Variants in HOMER1 observed in about 807,000 individuals in gnomAD.
The protein encoded by HOMER1 is homer scaffold protein 1.
A neutral mutation model predicts 48.9 loss-of-function variants in HOMER1; 3 were observed. The observed-to-expected ratio is 0.06, with a 90% confidence interval of 0.03 to 0.16. The LOEUF is 0.16. HOMER1 is among the 10% of genes least tolerant of loss of function. The pLI is 1.00. For synonymous variants in HOMER1, 134 were observed against 146.4 expected, an observed-to-expected ratio of 0.92 and a Z score of 0.61; for missense variants, 247 against 411.4, an observed-to-expected ratio of 0.60 and a Z score of 3.46.
At chr5:79,488,489 GT>G (rs1752180636) in intron 1 of HOMER1, among the ~76,000 whole-genome samples, 1 of 152,118 alleles carries the variant, frequency 6.6e-6, no homozygotes. Context: ...GTCTCTTTGA[GT>G]TTTAGTATGG....
At chr5:79,473,777 A>G (rs1315755979) in intron 1 of HOMER1, among the ~76,000 whole-genome samples, 1 of 152,204 alleles carries the variant, frequency 6.6e-6, no homozygotes, top group East Asian at 1.9e-4. Flanking sequence ...TGAGCATAGC[A>G]TATCACCCTG....
At chr5:79,379,352 T>C (rs1271800508) in intron 8 of HOMER1, among the ~76,000 whole-genome samples, 1 of 104,444 alleles carries the variant, frequency 9.6e-6, no homozygotes, top group East Asian at 2.3e-4. Flanking sequence ...ATTTTATATA[T>C]TATATAAATA....
At chr5:79,511,431 G>GT (rs1752939137) in intron 1 of HOMER1, among the ~76,000 whole-genome samples, 1 of 152,248 alleles carries the variant, frequency 6.6e-6, no homozygotes, top group Admixed American at 6.5e-5. Context: ...AAAGCAATTC[G>GT]TTTTTTACAG....
chr5:79,475,497 A>C (rs1235227499), intron 1 of HOMER1, among the ~76,000 whole-genome samples: 1 of 150,490 alleles, frequency 6.6e-6, no homozygotes, highest in Non-Finnish European at 1.5e-5. Context: ...GGGGAAAAGC[A>C]GAAGGTATTT....
At chr5:79,459,053 C>T (rs1055333721) in intron 1 of HOMER1, among the ~76,000 whole-genome samples, 1 of 152,132 alleles carries the variant, frequency 6.6e-6, no homozygotes, top group African/African-American at 2.4e-5. Context: ...TCTATTAAGG[C>T]ACATAAGGAA....
intron 1 of HOMER1, among the ~76,000 whole-genome samples, chr5:79,467,411 A>AAC (rs1554061421): frequency 6.6e-6 from 1 of 151,344 alleles, no homozygotes; most frequent in African/African-American, 2.4e-5. Flanking sequence ...AAAAAAAAAA[A>AAC]AACTAATGAA....
intron 4 of HOMER1, among the ~76,000 whole-genome samples, chr5:79,445,903 G>T (rs1160964484): frequency 2.0e-5 from 3 of 152,204 alleles, no homozygotes; most frequent in Middle Eastern, 3.2e-3. Context: ...GACAGAGCAT[G>T]ACTCTAGCTC....
chr5:79,505,316 G>C (rs1009552396), intron 1 of HOMER1, among the ~76,000 whole-genome samples: 1 of 152,130 alleles, frequency 6.6e-6, no homozygotes. Flanking sequence ...CTATGGAAAG[G>C]GGGGGAATCA....
At chr5:79,384,473 C>A (rs1267201866) in intron 8 of HOMER1, among the ~76,000 whole-genome samples, 1 of 152,056 alleles carries the variant, frequency 6.6e-6, no homozygotes, top group Non-Finnish European at 1.5e-5. Context: ...CGTGAACAGA[C>A]CAATAATGAG....
intron 8 of HOMER1, among the ~76,000 whole-genome samples, chr5:79,377,057 C>A (rs1748790067): frequency 6.6e-6 from 1 of 152,130 alleles, no homozygotes; most frequent in African/African-American, 2.4e-5. Context: ...CCTCCGCCTC[C>A]CAGGTTCAAG....
chr5:79,510,223 C>T (rs1006089169), intron 1 of HOMER1, among the ~76,000 whole-genome samples: 3 of 151,690 alleles, frequency 2.0e-5, no homozygotes, highest in African/African-American at 4.9e-5. Context: ...ACAAAATGCT[C>T]GCTCCTTTTT....
chr5:79,491,439 A>AG (rs1752275608), intron 1 of HOMER1, among the ~76,000 whole-genome samples: 1 of 35,106 alleles, frequency 2.8e-5, no homozygotes, highest in African/African-American at 2.6e-4. Context: ...ACCTTGTCTC[A>AG]AAAAAAAAAA....
chr5:79,382,908 G>A (rs1014892100), intron 8 of HOMER1, among the ~76,000 whole-genome samples: 2 of 152,164 alleles, frequency 1.3e-5, no homozygotes, highest in African/African-American at 4.8e-5. Flanking sequence ...AATGAAAATG[G>A]ATTACATTCT....
chr5:79,386,744 A>G (rs752113079), intron 8 of HOMER1, among the ~76,000 whole-genome samples: 1 of 152,176 alleles, frequency 6.6e-6, no homozygotes, highest in Non-Finnish European at 1.5e-5. Context: ...TACGTAAAAT[A>G]TTATCTATCA....
chr5:79,388,657 T>TGAAC (rs1459126520), intron 8 of HOMER1, among the ~76,000 whole-genome samples: 18 of 152,184 alleles, frequency 1.2e-4, no homozygotes, highest in Admixed American at 9.8e-4. Flanking sequence ...AAAGGTTGAT[T>TGAAC]GAACTCATGA....
At chr5:79,382,838 C>T (rs1749016958) in intron 8 of HOMER1, among the ~76,000 whole-genome samples, 1 of 152,156 alleles carries the variant, frequency 6.6e-6, no homozygotes, top group South Asian at 2.1e-4. Flanking sequence ...AAGAACAAAA[C>T]AACCAGAAAG....
At chr5:79,502,157 T>C (rs1279713252) in intron 1 of HOMER1, among the ~76,000 whole-genome samples, 2 of 151,414 alleles carry the variant, frequency 1.3e-5, no homozygotes, top group African/African-American at 4.9e-5. Flanking sequence ...GTAGCTGGGA[T>C]TACAAGTGCA....
chr5:79,508,652 A>C (rs1752846643), intron 1 of HOMER1, among the ~76,000 whole-genome samples: 1 of 152,196 alleles, frequency 6.6e-6, no homozygotes, highest in African/African-American at 2.4e-5. Context: ...TTTGTCTAAG[A>C]GGCTCACTTG....
chr5:79,457,439 AT>A (rs1751204201), intron 1 of HOMER1, among the ~76,000 whole-genome samples: 1 of 152,288 alleles, frequency 6.6e-6, no homozygotes, highest in South Asian at 2.1e-4. Flanking sequence ...TTTATGGTCT[AT>A]TTAGCACCAT....
Sources: allele counts gnomAD v4.1 joint callset (sites outside exome capture counted in the v4.1 genomes callset), GRCh38; gene constraint gnomAD v4.1.1; transcripts MANE v1.5; gene names NCBI Gene and HGNC (gene_info 2026-07-23, HGNC 2026-07-21).